PRICKLE3: variants seen among roughly 807,000 people sequenced by gnomAD.
PRICKLE3 encodes prickle planar cell polarity protein 3, also known as LIM domain only protein 6.
PRICKLE3 carries 17 observed loss-of-function variants against 33.8 expected under a neutral mutation model. The ratio of observed to expected loss-of-function variants is 0.50; its 90% CI spans 0.34 to 0.75. The LOEUF is 0.75. Ranked by LOEUF, PRICKLE3 falls within the 30% of genes least tolerant of loss-of-function variation. The pLI is 0.01. For synonymous variants in PRICKLE3, 211 were observed against 219.6 expected, an observed-to-expected ratio of 0.96 and a Z score of 0.34; for missense variants, 573 against 576.7, an observed-to-expected ratio of 0.99 and a Z score of 0.07.
chrX:49,182,625 C>T (rs782346990), intron 3 of PRICKLE3, among the ~76,000 whole-genome samples: 5 of 112,390 alleles, frequency 4.4e-5, no homozygotes, highest in African/African-American at 1.6e-4. Context: ...TCCTTTCGGG[C>T]AGCTCAACCA....
At position 49,176,988 on chromosome X, in the gene PRICKLE3, T is replaced by C. The variant is rs1317973681; in HGVS notation, c.1170A>G (p.Pro390=). 8.3e-7 allele frequency: 1 copy of C among 1,209,195 alleles called. No individual in the cohort carries two copies. Among genetic ancestry groups the C allele is most frequent in the Non-Finnish European group, 1.1e-6 (1 of 894,666 alleles). The change falls in exon 8 of 9, where the codon CCA becomes CCG. Residue 390 remains proline (P), a synonymous_variant. Coordinates refer to ENST00000599218, the MANE Select transcript of PRICKLE3 (RefSeq NM_006150.5). The part of the protein sequence containing the change: ...RSWSAGPVTA[P]LAASTASFSA... ...AGAAAGAGGCTGTGGAGGCTGCAAG[T>C]GGGGCTGTGACAGGGCCGGCACTCC...
At chrX:49,181,407 TAC>T (rs1247890574) in intron 3 of PRICKLE3, among the ~76,000 whole-genome samples, 2 of 93,132 alleles carry the variant, frequency 2.1e-5, no homozygotes, top group Non-Finnish European at 4.2e-5. Context: ...TATATATATA[TAC>T]ACGTATAATT....
At chrX:49,181,626 TATAC>T in intron 3 of PRICKLE3, among the ~76,000 whole-genome samples, 2 of 4,131 alleles carry the variant, frequency 4.8e-4, no homozygotes, top group African/African-American at 5.7e-4. Context: ...TGTATATATA[TATAC>T]ACACACATAT....
Position 49,176,984 on chromosome X carries a change from C to A in PRICKLE3, c.1174G>T (p.Ala392Ser). 1 of 1,211,077 alleles carries A rather than the reference C, an allele frequency of 8.3e-7. No homozygotes were observed. Among genetic ancestry groups the A allele is most frequent in the African/African-American group, 1.7e-5 (1 of 57,867 alleles). Residue 392 changes from alanine to serine, a missense_variant, in exon 8 of 9, where the codon GCA (alanine) becomes TCA (serine). Transcript: ENST00000599218. Reference protein sequence around the residue: ...WSAGPVTAPLAASTASFSAVK... With the variant: ...WSAGPVTAPLSASTASFSAVK... Reference sequence around the variant, plus strand: ...GCAGAGAAAGAGGCTGTGGAGGCTGCAAGTGGGGCTGTGACAGGGCCGGCA... The same window carrying A: ...GCAGAGAAAGAGGCTGTGGAGGCTGAAAGTGGGGCTGTGACAGGGCCGGCA...
intron 3 of PRICKLE3, among the ~76,000 whole-genome samples, chrX:49,180,096 G>A (rs1456520475): frequency 1.1e-5 from 1 of 95,189 alleles, no homozygotes; most frequent in Non-Finnish European, 2.1e-5. Flanking sequence ...CTGGAGTGGC[G>A]CGATCTAGGC....
intron 3 of PRICKLE3, 31 bp from the exon 4 acceptor site, chrX:49,179,837 C>G: frequency 1.2e-6 from 1 of 869,085 alleles, no homozygotes; most frequent in Non-Finnish European, 1.6e-6. Context: ...GAGAAAACAA[C>G]TGAAATGAGA....
At chrX:49,183,654 C>G in intron 3 of PRICKLE3, 80 bp downstream of exon 3, 1 of 1,128,452 alleles carries the variant, frequency 8.9e-7, no homozygotes, top group South Asian at 1.9e-5. Context: ...AATAGGTTCC[C>G]ACCTGAGTGT....
rs1017644021 is a variant in PRICKLE3 at position 49,186,191 on chromosome X, C to A, written c.42+65G>T. 11 of 1,091,761 alleles carry A rather than the reference C, an allele frequency of 1.0e-5. No homozygotes were observed. In the African/African-American group the frequency reaches 2.0e-4, roughly 20 times the overall value. 90.0% of individuals were successfully genotyped at this position (1,091,761 alleles called of 1,213,427 possible). Reference sequence around the variant, plus strand: ...GGGGCACCTATTCGCTATGCCTATCCATTGCCCCCTTGCCTGGGCCTCAGT... The same window carrying A: ...GGGGCACCTATTCGCTATGCCTATCAATTGCCCCCTTGCCTGGGCCTCAGT... On this transcript the variant is annotated intron_variant, in intron 1 of 8. Coordinates refer to ENST00000599218, the MANE Select transcript of PRICKLE3 (RefSeq NM_006150.5).
intron 1 of PRICKLE3, among the ~76,000 whole-genome samples, chrX:49,185,896 CAAAA>C (rs35472415): frequency 2.7e-4 from 8 of 29,722 alleles, no homozygotes; most frequent in Non-Finnish European, 3.6e-4. Flanking sequence ...GATTCAGTCT[CAAAA>C]AAAAAAAAAA....
At chrX:49,180,257 C>G (rs782326570) in intron 3 of PRICKLE3, among the ~76,000 whole-genome samples, 1 of 109,930 alleles carries the variant, frequency 9.1e-6, no homozygotes, top group African/African-American at 3.3e-5. Context: ...GTCTCGAACT[C>G]CTGACCTCAA....
Position 49,177,213 on chromosome X carries a change from C to G in PRICKLE3, c.956-11G>C. 5 of 1,133,277 alleles carry G rather than the reference C, an allele frequency of 4.4e-6. No homozygotes were observed. In the South Asian group the frequency reaches 1.1e-4, roughly 24 times the overall value. 93.4% of individuals were successfully genotyped at this position (1,133,277 alleles called of 1,213,427 possible). On this transcript the variant is annotated splice_polypyrimidine_tract_variant and intron_variant, in intron 7 of 8. Coordinates refer to ENST00000599218, the MANE Select transcript of PRICKLE3 (RefSeq NM_006150.5). Reference sequence around the variant, plus strand: ...GGCCTTGGTCCAGGCCTGTGGGGAACGACGAGGGGGAAAAACTGAGGCAGA... The same window carrying G: ...GGCCTTGGTCCAGGCCTGTGGGGAAGGACGAGGGGGAAAAACTGAGGCAGA...
In PRICKLE3 at chrX:49,178,264, G is replaced by T; in HGVS notation, c.768+8C>A. On this transcript the variant is annotated splice_region_variant and intron_variant, in intron 6 of 8. Transcript: ENST00000599218. ...TCAACTCCCACCCCTGGGCAGGGAG[G>T]CCCAAACCTCGTCACAGGCTTGGCA... 1 of 1,200,427 alleles carries T rather than the reference G, an allele frequency of 8.3e-7. No individual in the cohort carries two copies. Among genetic ancestry groups the T allele is most frequent in the South Asian group, 1.8e-5 (1 of 55,655 alleles).
chrX:49,183,432 A>G (rs2065467096), intron 3 of PRICKLE3, among the ~76,000 whole-genome samples: 1 of 111,604 alleles, frequency 9.0e-6, no homozygotes, highest in South Asian at 3.7e-4. Flanking sequence ...GGTGGCATGC[A>G]CCTGCAGTCC....
intron 1 of PRICKLE3, among the ~76,000 whole-genome samples, chrX:49,185,666 C>T (rs1347664905): frequency 9.0e-6 from 1 of 110,632 alleles, no homozygotes; most frequent in Non-Finnish European, 1.9e-5. Flanking sequence ...TTTGGGAGGC[C>T]GAGGTGGGCG....
At chrX:49,186,234 C>G in intron 1 of PRICKLE3, 22 bp downstream of exon 1, 5 of 1,156,746 alleles carry the variant, frequency 4.3e-6, no homozygotes, top group Middle Eastern at 2.5e-4. Flanking sequence ...CGACCCCCAC[C>G]GCTGCCCTGA....
At position 49,175,603 on chromosome X, in the gene PRICKLE3, G is replaced by A; in HGVS notation, c.*70C>T. The A allele has an allele frequency of 1.1e-6, 1 of 934,325 alleles. No individual in the cohort carries two copies. The highest frequency in any genetic ancestry group is 1.5e-6 in the Non-Finnish European group (1 of 675,001). 77.0% of individuals were successfully genotyped at this position (934,325 alleles called of 1,213,427 possible). ...ACTTAGGTTGTAGGGGCGGGGCGTG[G>A]GGGTGAGGGGCATGGGCCTCATCAT... On this transcript the variant is annotated 3_prime_UTR_variant, in exon 9 of 9. Transcript: ENST00000599218.
chrX:49,184,983 C>T, intron 1 of PRICKLE3: 1 of 911,293 alleles, frequency 1.1e-6, no homozygotes, highest in Non-Finnish European at 1.4e-6. Context: ...CCCGTCCGCC[C>T]CTAGCCTCAG....
Position 49,175,793 on chromosome X carries a change from C to T in PRICKLE3, c.1728G>A (p.Arg576=). 2.5e-5 allele frequency: 30 copies of T among 1,212,006 alleles called. No individual in the cohort carries two copies. The highest frequency in any genetic ancestry group is 3.0e-5 in the Non-Finnish European group (27 of 895,403). The change falls in exon 9 of 9, where the codon AGG becomes AGA. Residue 576 remains arginine, a synonymous_variant. Coordinates refer to ENST00000599218, the MANE Select transcript of PRICKLE3 (RefSeq NM_006150.5). The part of the protein sequence containing the change: ...ERIPLPPHLC[R]PMPAQDTAME... The stretch of plus-strand genomic sequence containing the variant: ...TTGCAGTGTCCTGAGCAGGCATGGG[C>T]CTGCACAAATGCGGGGGCAGAGGGA...
chrX:49,177,937 G>A, intron 7 of PRICKLE3, 56 bp downstream of exon 7: 2 of 1,114,578 alleles, frequency 1.8e-6, no homozygotes, highest in Non-Finnish European at 1.2e-6. Flanking sequence ...GGTGGGGTAG[G>A]ACTGTGGCCC....
Sources: allele counts gnomAD v4.1 joint callset (sites outside exome capture counted in the v4.1 genomes callset), GRCh38; gene constraint gnomAD v4.1.1; transcripts MANE v1.5; gene names NCBI Gene and HGNC (gene_info 2026-07-23, HGNC 2026-07-21).